Variants in NLN observed in about 807,000 individuals in gnomAD.
NLN encodes the protein neurolysin.
Under a neutral mutation model 79.9 loss-of-function variants are expected in NLN, and 64 were observed. The ratio of observed to expected loss-of-function variants is 0.80; its 90% CI spans 0.65 to 0.99. NLN has a LOEUF of 0.99. Ranked by LOEUF, NLN falls within the 50% of genes least tolerant of loss-of-function variation. The probability of loss-of-function intolerance (pLI) is 0.00; values close to 1 mark genes in which losing one functional copy is unlikely to be tolerated. For synonymous variants in NLN, 267 were observed against 296.6 expected, an observed-to-expected ratio of 0.90 and a Z score of 1.02; for missense variants, 835 against 858.7, an observed-to-expected ratio of 0.97 and a Z score of 0.34.
At chr5:65,783,789 A>G (rs982578416) in intron 6 of NLN, among the ~76,000 whole-genome samples, 4 of 152,138 alleles carry the variant, frequency 2.6e-5, no homozygotes, top group African/African-American at 9.7e-5. Context: ...GTCTAGAGAG[A>G]AGATCTGGAG....
chr5:65,783,232 A>G (rs1252319452), intron 6 of NLN, among the ~76,000 whole-genome samples: 1 of 152,228 alleles, frequency 6.6e-6, no homozygotes, highest in Non-Finnish European at 1.5e-5. Flanking sequence ...TAGTGGTTGC[A>G]CAATAGAATG....
At chr5:65,768,553 G>A (rs1471405705) in intron 3 of NLN, among the ~76,000 whole-genome samples, 1 of 152,216 alleles carries the variant, frequency 6.6e-6, no homozygotes, top group African/African-American at 2.4e-5. Context: ...TAATATCAGT[G>A]TCTTAGTTAG....
chr5:65,762,704 A>G (rs1264826170), intron 2 of NLN, among the ~76,000 whole-genome samples: 1 of 149,324 alleles, frequency 6.7e-6, no homozygotes. Context: ...CCCTGTCTCA[A>G]AAAAAAAAAA....
Position 65,775,394 on chromosome 5 carries a change from G to A in NLN, c.451-2033G>A, listed in dbSNP as rs539430080. 3.3e-5 allele frequency among the ~76,000 whole-genome samples: 5 copies of A among 152,132 alleles called. No homozygotes were observed. In the East Asian group the frequency reaches 5.8e-4, roughly 18 times the overall value. On this transcript the variant is annotated intron_variant, in intron 3 of 12. Coordinates refer to ENST00000380985, the MANE Select transcript of NLN (RefSeq NM_020726.5). ...TGTCCCCCTGTAGCCTTAGCTTCTC[G>A]CTGGCTCCTTTCCTTGCTGGGATGG...
At chr5:65,809,973 T>C in intron 10 of NLN, 64 bp from the exon 11 acceptor site, 2 of 1,566,854 alleles carry the variant, frequency 1.3e-6, no homozygotes, top group Non-Finnish European at 8.7e-7. Flanking sequence ...TCTACAATCT[T>C]GTGATAATAA....
At chr5:65,788,830 G>A (rs1759994039) in intron 8 of NLN, among the ~76,000 whole-genome samples, 1 of 152,110 alleles carries the variant, frequency 6.6e-6, no homozygotes, top group East Asian at 1.9e-4. Flanking sequence ...AAATTAGCCA[G>A]GTGTAGTGGT....
chr5:65,808,948 A>C (rs1760481942), intron 9 of NLN, among the ~76,000 whole-genome samples: 1 of 152,228 alleles, frequency 6.6e-6, no homozygotes, highest in South Asian at 2.1e-4. Context: ...GCACACTCAA[A>C]GTCTATAATG....
intron 1 of NLN, among the ~76,000 whole-genome samples, chr5:65,732,764 C>T (rs1390365767): frequency 7.0e-6 from 1 of 143,208 alleles, no homozygotes; most frequent in African/African-American, 2.6e-5. Flanking sequence ...ATGAGGTTGT[C>T]TGCTGAAAGA....
intron 12 of NLN, among the ~76,000 whole-genome samples, chr5:65,819,414 C>G (rs542089103): frequency 6.6e-6 from 1 of 152,298 alleles, no homozygotes; most frequent in South Asian, 2.1e-4. Flanking sequence ...ATGAGGAAAT[C>G]AAGGCCCCAG....
rs73099400 is a variant in NLN at position 65,760,814 on chromosome 5, A to G, written c.301+1988A>G. On this transcript the variant is annotated intron_variant, in intron 2 of 12. Transcript: ENST00000380985. ...ACTGGGCTTACAGATGTGAGCCACC[A>G]TGGCTGGCTCAAACAAAATCTTTAT... 9.6e-3 allele frequency among the ~76,000 whole-genome samples: 1,458 copies of G among 152,316 alleles called. 29 individuals are homozygous for G. Among genetic ancestry groups the G allele is most frequent in the African/African-American group, 0.033 (1,388 of 41,564 alleles).
Position 65,788,404 on chromosome 5 carries a change from C to G in NLN, c.1245C>G (p.Asn415Lys), listed in dbSNP as rs1269962302. ...FEQMTDAHVW[N>K]KSVTLYTVKD... Reference sequence around the variant, plus strand: ...AAATGACAGATGCTCATGTTTGGAACAAGAGTGTTACACTTTATACTGTGA... The same window carrying G: ...AAATGACAGATGCTCATGTTTGGAAGAAGAGTGTTACACTTTATACTGTGA... Residue 415 changes from asparagine to lysine, a missense_variant, in exon 8 of 13, where the codon AAC becomes AAG. Coordinates refer to ENST00000380985, the MANE Select transcript of NLN (RefSeq NM_020726.5). 1.9e-6 allele frequency: 3 copies of G among 1,614,008 alleles called. No homozygotes were observed. The highest frequency in any genetic ancestry group is 2.5e-6 in the Non-Finnish European group (3 of 1,179,904).
chr5:65,756,718 G>A (rs1341454044), intron 1 of NLN, among the ~76,000 whole-genome samples: 1 of 152,090 alleles, frequency 6.6e-6, no homozygotes, highest in Non-Finnish European at 1.5e-5. Flanking sequence ...GCCCAGGCTG[G>A]TCTCGAACCC....
At position 65,823,642 on chromosome 5, in the gene NLN, G is replaced by A. The variant is rs571246749; in HGVS notation, c.*727G>A. On this transcript the variant is annotated 3_prime_UTR_variant, in exon 13 of 13. Coordinates refer to ENST00000380985, the MANE Select transcript of NLN (RefSeq NM_020726.5). ...GAGGATTTCGTAGCTTTTATTAGAG[G>A]CTCATTTCCACCTCAGCATACAAGA... is the stretch of plus-strand genomic sequence containing the variant. 1 of 151,888 alleles carries A rather than the reference G, an allele frequency of 6.6e-6. No individual in the cohort carries two copies. Among genetic ancestry groups the A allele is most frequent in the Non-Finnish European group, 1.5e-5 (1 of 67,996 alleles). The allele number at this position is 151,888 out of a possible 1,614,324, so 9.4% of individuals were successfully genotyped here. A position where few individuals can be genotyped will look rare whatever the true frequency, so the allele number is the denominator to read the frequency against.
chr5:65,771,355 G>T (rs1395925417), intron 3 of NLN, among the ~76,000 whole-genome samples: 1 of 152,100 alleles, frequency 6.6e-6, no homozygotes, highest in Non-Finnish European at 1.5e-5. Context: ...TTTCATACCT[G>T]CTCTTTCCAG....
At chr5:65,797,568 G>A (rs1310049865) in intron 9 of NLN, among the ~76,000 whole-genome samples, 3 of 152,070 alleles carry the variant, frequency 2.0e-5, no homozygotes, top group Non-Finnish European at 4.4e-5. Flanking sequence ...TAAACTCTTT[G>A]AACCATCTCA....
intron 8 of NLN, among the ~76,000 whole-genome samples, chr5:65,790,653 T>C (rs1760037769): frequency 6.6e-6 from 1 of 152,158 alleles, no homozygotes. Context: ...GAACTACAAT[T>C]CAAGATAAGC....
At chr5:65,733,366 T>C in intron 1 of NLN, 1 of 1,509,266 alleles carries the variant, frequency 6.6e-7, no homozygotes, top group Non-Finnish European at 9.1e-7. Context: ...TGCTCCCAGC[T>C]CACCACCTTC....
intron 1 of NLN, among the ~76,000 whole-genome samples, chr5:65,725,966 G>T (rs1758457926): frequency 6.6e-6 from 1 of 152,142 alleles, no homozygotes; most frequent in Admixed American, 6.5e-5. Flanking sequence ...CAAAAAATTA[G>T]CCGGGCGTGG....
chr5:65,777,909 C>G (rs549473004), intron 4 of NLN, among the ~76,000 whole-genome samples: 1 of 152,234 alleles, frequency 6.6e-6, no homozygotes, highest in South Asian at 2.1e-4. Flanking sequence ...TTCTACAACT[C>G]CTGTTAACCT....
Sources: gnomAD v4.1 joint callset for allele counts (sites outside exome capture counted in the v4.1 genomes callset) on GRCh38, gnomAD v4.1.1 for gene constraint, MANE v1.5 for transcripts, NCBI Gene and HGNC (gene_info 2026-07-23, HGNC 2026-07-21) for gene names.